LCLAT1: variants seen among roughly 807,000 people sequenced by gnomAD.
LCLAT1 encodes the protein lysocardiolipin acyltransferase 1, also known as 1-AGP acyltransferase 8.
In LCLAT1, 11 loss-of-function variants were observed where a neutral mutation model predicts 30.7. The observed-to-expected ratio is 0.36, with a 90% CI of 0.23 to 0.59. The LOEUF (loss-of-function observed/expected upper bound fraction) is 0.59, where lower values mean the gene tolerates loss of function less well. Ranked by LOEUF, LCLAT1 falls within the 20% of genes least tolerant of loss-of-function variation. The pLI is 0.77. For synonymous variants in LCLAT1, 155 were observed against 151.3 expected (o/e 1.02, Z -0.18); for missense variants, 402 against 458.6 (o/e 0.88, Z 1.13).
intron 3 of LCLAT1, among the ~76,000 whole-genome samples, chr2:30,538,458 AT>A (rs1055824870): frequency 1.3e-5 from 2 of 152,060 alleles, no homozygotes; most frequent in African/African-American, 2.4e-5. Flanking sequence ...CCTGGCCAAC[AT>A]GATGAAACCC....
intron 1 of LCLAT1, among the ~76,000 whole-genome samples, chr2:30,475,360 G>A (rs1420163717): frequency 1.3e-5 from 2 of 152,250 alleles, no homozygotes; most frequent in Middle Eastern, 3.4e-3. Context: ...AGCTGGTGGT[G>A]ACTTGGAGGC....
intron 5 of LCLAT1, among the ~76,000 whole-genome samples, chr2:30,615,237 T>A (rs986183778): frequency 1.3e-5 from 2 of 151,906 alleles, no homozygotes; most frequent in African/African-American, 4.8e-5. Flanking sequence ...GCAGGTGAGA[T>A]AGAAGACATA....
chr2:30,533,376 A>G, intron 3 of LCLAT1, 62 bp downstream of exon 3: 12 of 1,364,268 alleles, frequency 8.8e-6, no homozygotes, highest in African/African-American at 1.4e-5. Context: ...CACCCACTGT[A>G]AAACTGACTT....
At chr2:30,572,549 C>T (rs1042412067) in intron 5 of LCLAT1, among the ~76,000 whole-genome samples, 5 of 152,204 alleles carry the variant, frequency 3.3e-5, no homozygotes, top group African/African-American at 1.2e-4. Context: ...CTTTGTGCTG[C>T]ACCTGTGGAG....
At chr2:30,463,942 C>A (rs1682295616) in intron 1 of LCLAT1, among the ~76,000 whole-genome samples, 1 of 152,154 alleles carries the variant, frequency 6.6e-6, no homozygotes. Context: ...GCATTTTTAT[C>A]TTTTCTTACT....
intron 5 of LCLAT1, among the ~76,000 whole-genome samples, chr2:30,592,233 T>A (rs528349072): frequency 6.6e-6 from 1 of 152,092 alleles, no homozygotes; most frequent in Non-Finnish European, 1.5e-5. Flanking sequence ...AAAAACCAAT[T>A]CACTTGATAG....
chr2:30,567,392 G>GA (rs1665538672), intron 4 of LCLAT1, among the ~76,000 whole-genome samples: 1 of 151,938 alleles, frequency 6.6e-6, no homozygotes, highest in Non-Finnish European at 1.5e-5. Flanking sequence ...TTTAGTCTTA[G>GA]AATATAGCCT....
rs1277021003 is a variant in LCLAT1, at chr2:30,538,764, G to C, written c.364+5450G>C. Among the ~76,000 whole-genome samples, 3 of 152,090 alleles carry C rather than the reference G, an allele frequency of 2.0e-5. No individual in the cohort carries two copies. In the East Asian group the frequency reaches 5.8e-4, roughly 29 times the overall value. Reference sequence around the variant, plus strand: ...GAATATTACGAATTACTATATGCCAGCCAATTGGAAAACATAGCAGAAATT... The same window carrying C: ...GAATATTACGAATTACTATATGCCACCCAATTGGAAAACATAGCAGAAATT... On this transcript the variant is annotated intron_variant, in intron 3 of 5. Coordinates refer to ENST00000379509, the MANE Select transcript of LCLAT1 (RefSeq NM_001002257.3).
At chr2:30,539,900 C>G (rs1320418205) in intron 3 of LCLAT1, among the ~76,000 whole-genome samples, 1 of 152,156 alleles carries the variant, frequency 6.6e-6, no homozygotes, top group Non-Finnish European at 1.5e-5. Context: ...AATAATTTGC[C>G]TTGTTCCACA....
chr2:30,616,682 G>C (rs1343628141), intron 5 of LCLAT1, among the ~76,000 whole-genome samples: 3 of 152,100 alleles, frequency 2.0e-5, no homozygotes, highest in Non-Finnish European at 4.4e-5. Flanking sequence ...TTAAATGTCA[G>C]CTTGCACTTA....
In LCLAT1 at chr2:30,580,779, A is replaced by T. The variant is rs549287583; in HGVS notation, c.628+12603A>T. 2.8e-4 allele frequency among the ~76,000 whole-genome samples: 43 copies of T among 152,236 alleles called. No homozygotes were observed. The South Asian group carries it at 8.9e-3, about 32-fold the overall frequency. On this transcript the variant is annotated intron_variant, in intron 5 of 5. Coordinates refer to ENST00000379509, the MANE Select transcript of LCLAT1 (RefSeq NM_001002257.3). The stretch of plus-strand genomic sequence containing the variant: ...TAAGGCAGGAGGCAAGGTTCAGCTG[A>T]ATATATATTTTTGTTTGACTTTATA...
chr2:30,578,447 A>G (rs1226793972), intron 5 of LCLAT1, among the ~76,000 whole-genome samples: 5 of 152,134 alleles, frequency 3.3e-5, no homozygotes, highest in African/African-American at 4.8e-5. Context: ...CTAGTCAAAC[A>G]TGAGCCTTAG....
At chr2:30,557,479 A>G (rs1013024293) in intron 3 of LCLAT1, among the ~76,000 whole-genome samples, 5 of 152,084 alleles carry the variant, frequency 3.3e-5, no homozygotes, top group African/African-American at 4.8e-5. Flanking sequence ...CAATGGCACA[A>G]TCTTGGCTCA....
At chr2:30,639,870 T>TAGAATGG (rs1669212820) in intron 5 of LCLAT1, among the ~76,000 whole-genome samples, 2 of 152,228 alleles carry the variant, frequency 1.3e-5, no homozygotes, top group Non-Finnish European at 2.9e-5. Context: ...GATTACTGTT[T>TAGAATGG]CTGCAAATGA....
intron 5 of LCLAT1, among the ~76,000 whole-genome samples, chr2:30,595,260 G>T (rs1201736192): frequency 2.6e-5 from 4 of 152,046 alleles, no homozygotes; most frequent in African/African-American, 9.6e-5. Flanking sequence ...CCTTTGTGGG[G>T]GTTTTTTTTT....
At chr2:30,559,381 A>G (rs1665088044) in intron 3 of LCLAT1, among the ~76,000 whole-genome samples, 1 of 152,220 alleles carries the variant, frequency 6.6e-6, no homozygotes. Flanking sequence ...CAACTCAGTC[A>G]TTACCCACTT....
intron 5 of LCLAT1, among the ~76,000 whole-genome samples, chr2:30,609,987 G>A (rs1414600429): frequency 6.6e-6 from 1 of 152,074 alleles, no homozygotes; most frequent in East Asian, 1.9e-4. Context: ...ATGAATGCAT[G>A]TCTTAACATA....
At chr2:30,526,395 T>G (rs1008394353) in intron 2 of LCLAT1, among the ~76,000 whole-genome samples, 10 of 152,188 alleles carry the variant, frequency 6.6e-5, no homozygotes, top group Non-Finnish European at 1.0e-4. Context: ...TCTATCATCT[T>G]TAATCTGCTG....
chr2:30,498,705 A>G (rs1165946057), intron 1 of LCLAT1, among the ~76,000 whole-genome samples: 1 of 152,206 alleles, frequency 6.6e-6, no homozygotes, highest in Non-Finnish European at 1.5e-5. Context: ...CAGCTGTAAA[A>G]TGGATATATG....
Sources: allele counts gnomAD v4.1 joint callset (sites outside exome capture counted in the v4.1 genomes callset), GRCh38; gene constraint gnomAD v4.1.1; transcripts MANE v1.5; gene names NCBI Gene and HGNC (gene_info 2026-07-23, HGNC 2026-07-21).